The following GARRE1 variants were observed in gnomAD, a reference collection of about 807,000 sequenced individuals.
The protein encoded by GARRE1 is granule associated Rac and RHOG effector protein 1.
GARRE1 carries 49 observed loss-of-function variants against 103.2 expected under a neutral mutation model. The ratio of observed to expected loss-of-function variants is 0.47; its 90% CI spans 0.38 to 0.60. GARRE1 has a LOEUF of 0.60. Ranked by LOEUF, GARRE1 falls within the 20% of genes least tolerant of loss-of-function variation. The probability of loss-of-function intolerance (pLI) is 0.00; values close to 1 mark genes in which losing one functional copy is unlikely to be tolerated. For synonymous variants in GARRE1, 505 were observed against 532.8 expected, an observed-to-expected ratio of 0.95 and a Z score of 0.72; for missense variants, 1,199 against 1,370.5, an observed-to-expected ratio of 0.87 and a Z score of 1.98.
chr19:34,276,866 C>T (rs55794577), intron 1 of GARRE1, among the ~76,000 whole-genome samples: 22,826 of 151,676 alleles, frequency 0.15, 2,254 homozygotes, highest in Middle Eastern at 0.22. Context: ...CAAGCCATTG[C>T]TGTCTTTAGG....
At chr19:34,298,552 A>G (rs2073959600) in intron 1 of GARRE1, among the ~76,000 whole-genome samples, 1 of 151,932 alleles carries the variant, frequency 6.6e-6, no homozygotes, top group Admixed American at 6.6e-5. Context: ...ATCTCTACTA[A>G]AAGTACAAAA....
Position 34,341,496 on chromosome 19 carries a change from C to T in GARRE1, c.1562C>T (p.Pro521Leu), listed in dbSNP as rs267605421. Reference sequence around the variant, plus strand: ...GATTTTGGCAACCAGGCTGACCTGCCTTCTGGAAATGGAAACAAATCTTCA... The same window carrying T: ...GATTTTGGCAACCAGGCTGACCTGCTTTCTGGAAATGGAAACAAATCTTCA... ...ICDFGNQADL[P>L]SGNGNKSSGG... is the part of the protein sequence containing the mutation. The change falls in exon 10 of 14, where the codon CCT becomes CTT. Residue 521 changes from proline to leucine, a missense_variant. Transcript: ENST00000299505. The T allele has an allele frequency of 6.2e-7, 1 of 1,613,868 alleles. No individual in the cohort carries two copies. The highest frequency in any genetic ancestry group is 8.5e-7 in the Non-Finnish European group (1 of 1,180,034).
intron 8 of GARRE1, among the ~76,000 whole-genome samples, chr19:34,338,800 A>C (rs1224972781): frequency 2.0e-5 from 3 of 152,144 alleles, no homozygotes; most frequent in Non-Finnish European, 4.4e-5. Context: ...TCACGATGAT[A>C]TCCCATTGAA....
intron 2 of GARRE1, among the ~76,000 whole-genome samples, chr19:34,305,889 G>C (rs1427337944): frequency 6.6e-6 from 1 of 152,196 alleles, no homozygotes; most frequent in Non-Finnish European, 1.5e-5. Flanking sequence ...TCCCAGACGA[G>C]TCTGGAAACT....
chr19:34,273,719 C>T (rs1024927975), intron 1 of GARRE1, among the ~76,000 whole-genome samples: 1 of 152,058 alleles, frequency 6.6e-6, no homozygotes, highest in Non-Finnish European at 1.5e-5. Context: ...AGCAGAGGAA[C>T]CCCTCGCTCA....
chr19:34,270,446 C>G (rs1208085341), intron 1 of GARRE1, among the ~76,000 whole-genome samples: 1 of 152,128 alleles, frequency 6.6e-6, no homozygotes, highest in Non-Finnish European at 1.5e-5. Flanking sequence ...GCCCTGTGGC[C>G]TCTGCAGCTT....
At chr19:34,351,480 A>G (rs1204176014) in intron 12 of GARRE1, 34 bp from the exon 13 acceptor site, 1 of 1,554,742 alleles carries the variant, frequency 6.4e-7, no homozygotes, top group Non-Finnish European at 8.9e-7. Flanking sequence ...CAGGAAGCCA[A>G]GCAATCACTG....
At chr19:34,319,818 C>T (rs1346263126) in intron 2 of GARRE1, 89 bp from the exon 3 acceptor site, 5 of 1,061,072 alleles carry the variant, frequency 4.7e-6, no homozygotes, top group Non-Finnish European at 7.3e-6. Context: ...TTAACTATTG[C>T]TTCTATTCAA....
At chr19:34,321,424 C>T (rs1223071187) in intron 3 of GARRE1, among the ~76,000 whole-genome samples, 1 of 151,200 alleles carries the variant, frequency 6.6e-6, no homozygotes, top group Non-Finnish European at 1.5e-5. Context: ...CATGTGATTT[C>T]AGCAGTTCTC....
chr19:34,328,188 C>G, intron 6 of GARRE1, 37 bp downstream of exon 6: 1 of 1,601,884 alleles, frequency 6.2e-7, no homozygotes, highest in Non-Finnish European at 8.5e-7. Flanking sequence ...TGAGTGTGAA[C>G]TTGAAAATAG....
At chr19:34,332,495 C>T (rs2074142374) in intron 7 of GARRE1, among the ~76,000 whole-genome samples, 3 of 151,982 alleles carry the variant, frequency 2.0e-5, no homozygotes, top group Non-Finnish European at 4.4e-5. Flanking sequence ...GCAGAAACTT[C>T]TTCCTAGTTC....
At chr19:34,284,847 T>C (rs77350953) in intron 1 of GARRE1, among the ~76,000 whole-genome samples, 2,209 of 152,276 alleles carry the variant, frequency 0.015, 24 homozygotes, top group South Asian at 0.023. Flanking sequence ...TGGAGAAGCA[T>C]GTGAAAAACA....
At chr19:34,283,729 GA>G in intron 1 of GARRE1, among the ~76,000 whole-genome samples, 1 of 152,056 alleles carries the variant, frequency 6.6e-6, no homozygotes, top group South Asian at 2.1e-4. Flanking sequence ...AGTGCTTCAA[GA>G]GATTTTCTTA....
chr19:34,272,265 G>A (rs371996571), intron 1 of GARRE1, among the ~76,000 whole-genome samples: 38 of 152,302 alleles, frequency 2.5e-4, no homozygotes, highest in Middle Eastern at 3.4e-3. Flanking sequence ...CCAGGCTGGA[G>A]TGCAGTGATG....
chr19:34,336,740 G>A (rs567305648), intron 8 of GARRE1, among the ~76,000 whole-genome samples: 10 of 152,266 alleles, frequency 6.6e-5, no homozygotes, highest in African/African-American at 2.4e-4. Context: ...AAAGTGCTGG[G>A]ATTACAGGCG....
intron 2 of GARRE1, among the ~76,000 whole-genome samples, chr19:34,311,291 G>A (rs186684974): frequency 6.6e-6 from 1 of 152,284 alleles, no homozygotes; most frequent in Admixed American, 6.5e-5. Flanking sequence ...CCTTAAAGCT[G>A]GGAGTGGTCA....
chr19:34,351,681 T>C (rs2074238188), intron 13 of GARRE1, 89 bp downstream of exon 13: 5 of 877,704 alleles, frequency 5.7e-6, no homozygotes, highest in South Asian at 5.7e-5. Context: ...GGGATCTTCT[T>C]TGTGGTGATT....
At position 34,300,436 on chromosome 19, in the gene GARRE1, G is replaced by T; in HGVS notation, c.-38G>T. The T allele has an allele frequency of 1.3e-6, 2 of 1,515,102 alleles. No individual in the cohort carries two copies. The highest frequency in any genetic ancestry group is 2.3e-5 in the East Asian group (1 of 43,728). The allele number at this position is 1,515,102 out of a possible 1,614,324, so 93.9% of individuals were successfully genotyped here. ...TTTGAGAAAGAAGAATCAGAACCCT[G>T]ACCCACTTACGGTTGCTGGGACAAT... On this transcript the variant is annotated 5_prime_UTR_variant, in exon 2 of 14. Coordinates refer to ENST00000299505, the MANE Select transcript of GARRE1 (RefSeq NM_014686.5).
rs1219574340 is a variant in GARRE1, at chr19:34,347,773, A to G, written c.2522-104A>G. The stretch of plus-strand genomic sequence containing the variant: ...TGGGGCACAAGCCTGGCAGCTCCTC[A>G]CTGCCTTTCATTGCATGTGTGACCA... On this transcript the variant is annotated intron_variant, in intron 10 of 13. Transcript: ENST00000299505. 5 of 1,129,110 alleles carry G rather than the reference A, an allele frequency of 4.4e-6. No individual in the cohort carries two copies. In the African/African-American group the frequency reaches 8.0e-5, roughly 18 times the overall value. 69.9% of individuals were successfully genotyped at this position (1,129,110 alleles called of 1,614,324 possible).
Sources: gnomAD v4.1 joint callset for allele counts (sites outside exome capture counted in the v4.1 genomes callset) on GRCh38, gnomAD v4.1.1 for gene constraint, MANE v1.5 for transcripts, NCBI Gene and HGNC (gene_info 2026-07-23, HGNC 2026-07-21) for gene names.